Variants in FBXO32 observed in about 807,000 individuals in gnomAD.
The protein encoded by FBXO32 is F-box protein 32.
In FBXO32, 15 loss-of-function variants were observed where a neutral mutation model predicts 48.3. That is an observed-to-expected ratio of 0.31 (90% confidence interval 0.21 to 0.48). The LOEUF (loss-of-function observed/expected upper bound fraction) is 0.48, where lower values mean the gene tolerates loss of function less well. Among genes scored for constraint, FBXO32 ranks in the 20% least tolerant of loss-of-function variants. The probability of loss-of-function intolerance (pLI) is 0.99; values close to 1 mark genes in which losing one functional copy is unlikely to be tolerated. For synonymous variants in FBXO32, 154 were observed against 165.9 expected (o/e 0.93, Z 0.55); for missense variants, 309 against 432.7 (o/e 0.71, Z 2.54).
Position 123,513,061 on chromosome 8 carries a change from C to T in FBXO32, c.651+137G>A. 2.1e-6 allele frequency: 2 copies of T among 967,658 alleles called. No homozygotes were observed. The highest frequency in any genetic ancestry group is 3.0e-6 in the Non-Finnish European group (2 of 665,622). 59.9% of individuals were successfully genotyped at this position (967,658 alleles called of 1,614,324 possible). A position where few individuals can be genotyped will look rare whatever the true frequency, so the allele number is the denominator to read the frequency against. ...ATCAGGAGGTCCCCCAGCCCACCCT[C>T]AGCACCAGAACAAAGCAGCAGATCA... On this transcript the variant is annotated intron_variant, in intron 6 of 8. Coordinates refer to ENST00000517956, the MANE Select transcript of FBXO32 (RefSeq NM_058229.4). The surrounding 1 kb of genome is among the most constrained non-coding windows in gnomAD (Gnocchi z 4.3).
intron 4 of FBXO32, among the ~76,000 whole-genome samples, chr8:123,520,230 G>A (rs777322917): frequency 4.6e-5 from 7 of 152,172 alleles, no homozygotes; most frequent in Non-Finnish European, 1.0e-4. Context: ...AGAGGAAAAT[G>A]TCTTGTTTGG....
Position 123,534,684 on chromosome 8 carries a change from T to A in FBXO32, c.229+18A>T, listed in dbSNP as rs1238451093. The A allele has an allele frequency of 6.4e-7, 1 of 1,566,990 alleles. No homozygotes were observed. ...TCTTCAAACAGCTTTTTTCTGAAGT[T>A]CAAAACAAATGGCTTACACTGAGTT... On this transcript the variant is annotated intron_variant, in intron 2 of 8. Coordinates refer to ENST00000517956, the MANE Select transcript of FBXO32 (RefSeq NM_058229.4).
chr8:123,534,112 CA>C (rs1282727514), intron 2 of FBXO32, among the ~76,000 whole-genome samples: 2 of 117,900 alleles, frequency 1.7e-5, no homozygotes, highest in Non-Finnish European at 3.6e-5. Flanking sequence ...AACAAACAAA[CA>C]AAAAACACCA....
In FBXO32 at chr8:123,503,394, A is replaced by G; in HGVS notation, c.1047T>C (p.Phe349=). 1.2e-6 allele frequency: 2 copies of G among 1,614,186 alleles called. No homozygotes were observed. The highest frequency in any genetic ancestry group is 1.7e-6 in the Non-Finnish European group (2 of 1,180,002). ...SCSVSLSPQD[F]INLFKF ...GGATTCAGAACTTGAACAAGTTGAT[A>G]AAGTCCTGGGGTGAAAGTGAAACGG... Residue 349 remains phenylalanine, a synonymous_variant, in exon 9 of 9, where the codon TTT becomes TTC. Transcript: ENST00000517956.
chr8:123,534,402 T>C (rs1194399961), intron 2 of FBXO32, among the ~76,000 whole-genome samples: 3 of 152,212 alleles, frequency 2.0e-5, no homozygotes, highest in African/African-American at 4.8e-5. Context: ...ATACTGGAAC[T>C]GATTCAGCTG....
At chr8:123,522,339 G>A (rs1816973356) in intron 4 of FBXO32, among the ~76,000 whole-genome samples, 2 of 151,478 alleles carry the variant, frequency 1.3e-5, no homozygotes, top group Non-Finnish European at 2.9e-5. Flanking sequence ...CTTCTGAGTA[G>A]CTGGGACTAC....
chr8:123,510,041 A>T (rs1285191870), intron 6 of FBXO32, among the ~76,000 whole-genome samples: 1 of 152,234 alleles, frequency 6.6e-6, no homozygotes, highest in Non-Finnish European at 1.5e-5. Context: ...ACAGCGCCCA[A>T]TAAATGCTAG....
rs1195686622 is a variant in FBXO32, at chr8:123,513,141, T to C, written c.651+57A>G. 3.2e-6 allele frequency: 5 copies of C among 1,565,076 alleles called. No homozygotes were observed. The highest frequency in any genetic ancestry group is 4.4e-6 in the Non-Finnish European group (5 of 1,137,624). On this transcript the variant is annotated intron_variant, in intron 6 of 8. Transcript: ENST00000517956. This position sits in a 1 kb window ranked among gnomAD's most constrained non-coding sequence, Gnocchi z 4.3. ...TGAATTCAAAGTCTTGGCGAGTCTGTCCAGTATCCCTGTGGAGGGACCCAC... is the reference window on the plus strand; with the variant it reads ...TGAATTCAAAGTCTTGGCGAGTCTGCCCAGTATCCCTGTGGAGGGACCCAC...
intron 1 of FBXO32, among the ~76,000 whole-genome samples, chr8:123,538,609 C>A (rs1201751519): frequency 6.6e-6 from 1 of 152,086 alleles, no homozygotes; most frequent in Non-Finnish European, 1.5e-5. Flanking sequence ...GCTTCTCATG[C>A]TAAGCAGGGA....
intron 4 of FBXO32, 49 bp downstream of exon 4, chr8:123,531,849 T>C (rs1407023607): frequency 3.1e-6 from 5 of 1,600,452 alleles, no homozygotes; most frequent in Non-Finnish European, 4.3e-6. Flanking sequence ...AAAGAGATGA[T>C]TCAACTTGGG....
At position 123,500,580 on chromosome 8, in the gene FBXO32, G is replaced by T. The variant is rs918716373; in HGVS notation, c.*2793C>A. 3 of 152,204 alleles carry T rather than the reference G, an allele frequency of 2.0e-5. No homozygotes were observed. Among genetic ancestry groups the T allele is most frequent in the African/African-American group, 7.2e-5 (3 of 41,446 alleles). 9.4% of individuals were successfully genotyped at this position (152,204 alleles called of 1,614,324 possible). ...TAGACTATTATTGTTCAAAGAGCAAGAATTGTCTTAACTCTCTTCACTTAT... is the reference window on the plus strand; with the variant it reads ...TAGACTATTATTGTTCAAAGAGCAATAATTGTCTTAACTCTCTTCACTTAT... On this transcript the variant is annotated 3_prime_UTR_variant, in exon 9 of 9. Transcript: ENST00000517956.
At chr8:123,539,427 C>A (rs1339894347) in intron 1 of FBXO32, among the ~76,000 whole-genome samples, 1 of 152,148 alleles carries the variant, frequency 6.6e-6, no homozygotes, top group African/African-American at 2.4e-5. Context: ...CATAGTCTGT[C>A]AATAGCAGTT....
In FBXO32 at chr8:123,501,797, C is replaced by G. The variant is rs1450700164; in HGVS notation, c.*1576G>C. On this transcript the variant is annotated 3_prime_UTR_variant, in exon 9 of 9. Coordinates refer to ENST00000517956, the MANE Select transcript of FBXO32 (RefSeq NM_058229.4). ...AATGTGGACTGTGTTCCTATTTCTG[C>G]TTCACTTATTTGCCAAGGGCATGCA... is the stretch of plus-strand genomic sequence containing the variant. 1 of 151,926 alleles carries G rather than the reference C, an allele frequency of 6.6e-6. No individual in the cohort carries two copies. The highest frequency in any genetic ancestry group is 1.5e-5 in the Non-Finnish European group (1 of 68,006). 9.4% of individuals were successfully genotyped at this position (151,926 alleles called of 1,614,324 possible).
Position 123,525,212 on chromosome 8 carries a change from A to C in FBXO32, c.372+6686T>G, listed in dbSNP as rs1817047868. ...TGGTAGGAATGCAGTAACTTGCTGG[A>C]AACATTCAAATGCACTTAGGGTGGT... On this transcript the variant is annotated intron_variant, in intron 4 of 8. Coordinates refer to ENST00000517956, the MANE Select transcript of FBXO32 (RefSeq NM_058229.4). This position sits in a 1 kb window ranked among gnomAD's most constrained non-coding sequence, Gnocchi z 4.3. Among the ~76,000 whole-genome samples, 1 of 152,226 alleles carries C rather than the reference A, an allele frequency of 6.6e-6. No homozygotes were observed. The highest frequency in any genetic ancestry group is 2.1e-4 in the South Asian group (1 of 4,830).
chr8:123,518,217 A>G (rs541129904), intron 4 of FBXO32, among the ~76,000 whole-genome samples: 1 of 152,364 alleles, frequency 6.6e-6, no homozygotes, highest in African/African-American at 2.4e-5. Flanking sequence ...GCACAGTAAT[A>G]GTACCTACTT....
Position 123,506,962 on chromosome 8 carries a change from G to A in FBXO32, c.652-388C>T, listed in dbSNP as rs1816637968. The stretch of plus-strand genomic sequence containing the variant: ...TGCCACCCCAAGTCCCATCTCTCTG[G>A]CCCCCCTCCAGACATCAGGTCCCTC... On this transcript the variant is annotated intron_variant, in intron 6 of 8. Coordinates refer to ENST00000517956, the MANE Select transcript of FBXO32 (RefSeq NM_058229.4). This position sits in a 1 kb window ranked among gnomAD's most constrained non-coding sequence, Gnocchi z 4.0. Among the ~76,000 whole-genome samples, 1 of 152,032 alleles carries A rather than the reference G, an allele frequency of 6.6e-6. No homozygotes were observed.
chr8:123,507,458 T>C (rs1369465820), intron 6 of FBXO32, among the ~76,000 whole-genome samples: 1 of 151,084 alleles, frequency 6.6e-6, no homozygotes, highest in Non-Finnish European at 1.5e-5. Context: ...TGTGTGTGTG[T>C]GTGTGTGTGT....
Position 123,499,484 on chromosome 8 carries a change from G to T in FBXO32, c.*3889C>A, listed in dbSNP as rs935696452. 1.4e-5 allele frequency: 2 copies of T among 146,026 alleles called. No homozygotes were observed. Among genetic ancestry groups the T allele is most frequent in the African/African-American group, 5.0e-5 (2 of 39,882 alleles). 9.0% of individuals were successfully genotyped at this position (146,026 alleles called of 1,614,324 possible). On this transcript the variant is annotated 3_prime_UTR_variant, in exon 9 of 9. Transcript: ENST00000517956. ...GGAAACAGATTAAAAAAAAAAAAAA[G>T]ATGTCAACATAGAAAATGATGATAG...
intron 4 of FBXO32, among the ~76,000 whole-genome samples, chr8:123,522,690 C>T (rs556556865): frequency 4.1e-4 from 62 of 152,258 alleles, no homozygotes; most frequent in African/African-American, 1.3e-3. Context: ...CAATCATTCC[C>T]CTTCACTTTT....
Sources: gnomAD v4.1 joint callset for allele counts (sites outside exome capture counted in the v4.1 genomes callset) on GRCh38, gnomAD v4.1.1 for gene constraint, Gnocchi (gnomAD v3.1) non-coding constraint, MANE v1.5 for transcripts, NCBI Gene and HGNC (gene_info 2026-07-23, HGNC 2026-07-21) for gene names.